The following TRIO variants were observed in gnomAD, a reference collection of about 807,000 sequenced individuals.
TRIO encodes the protein triple functional domain protein.
TRIO carries 58 observed loss-of-function variants against 351.9 expected under a neutral mutation model. The ratio of observed to expected loss-of-function variants is 0.16; its 90% confidence interval spans 0.13 to 0.21. The LOEUF is 0.21. Among genes scored for constraint, TRIO ranks in the 10% least tolerant of loss-of-function variants. The probability of loss-of-function intolerance (pLI) is 1.00; values close to 1 mark genes in which losing one functional copy is unlikely to be tolerated. For synonymous variants in TRIO, 1,758 were observed against 1,595.7 expected (o/e 1.10, Z -2.42); for missense variants, 3,201 against 4,027.8 (o/e 0.79, Z 5.56).
intron 11 of TRIO, among the ~76,000 whole-genome samples, chr5:14,346,195 A>C (rs1448932702): frequency 1.3e-5 from 2 of 152,176 alleles, no homozygotes; most frequent in Non-Finnish European, 2.9e-5. Flanking sequence ...AAAAATCAGA[A>C]CCAGAAGATC....
At chr5:14,189,329 A>G (rs1398865540) in intron 1 of TRIO, among the ~76,000 whole-genome samples, 1 of 152,220 alleles carries the variant, frequency 6.6e-6, no homozygotes, top group South Asian at 2.1e-4. Flanking sequence ...AATACCTTGA[A>G]TGCTATATTT....
chr5:14,154,639 T>A (rs1389659657), intron 1 of TRIO, among the ~76,000 whole-genome samples: 2 of 152,190 alleles, frequency 1.3e-5, no homozygotes, highest in Non-Finnish European at 2.9e-5. Flanking sequence ...GGATGCTTGC[T>A]CAGGTTTATG....
rs759130065 is a variant in TRIO, at chr5:14,509,375, GT to G, written c.*957del. The G allele has an allele frequency of 2.7e-6, 1 of 364,440 alleles. No individual in the cohort carries two copies. 22.6% of individuals were successfully genotyped at this position (364,440 alleles called of 1,614,324 possible). A position where few individuals can be genotyped will look rare whatever the true frequency, so the allele number is the denominator to read the frequency against. The stretch of plus-strand genomic sequence containing the variant: ...CATACTTCGTATGGTGAGCTTTATG[GT>G]TTTGTGTGTGTGTTGGGGTTGGCGG... On this transcript the variant is annotated 3_prime_UTR_variant, in exon 57 of 57. Transcript: ENST00000344204.
chr5:14,250,977 AACAC>A (rs1221696505), intron 1 of TRIO, among the ~76,000 whole-genome samples: 1 of 152,186 alleles, frequency 6.6e-6, no homozygotes, highest in African/African-American at 2.4e-5. Context: ...CAGAAAAGGG[AACAC>A]ACAGAAGACA....
chr5:14,373,475 G>A (rs1335909432), intron 18 of TRIO, among the ~76,000 whole-genome samples: 1 of 152,140 alleles, frequency 6.6e-6, no homozygotes, highest in Non-Finnish European at 1.5e-5. Context: ...CCCAAGACAG[G>A]AAATGCACAA....
Position 14,204,260 on chromosome 5 carries a change from C to T in TRIO, c.157+60378C>T, listed in dbSNP as rs371109114. Among the ~76,000 whole-genome samples, 11 of 152,196 alleles carry T rather than the reference C, an allele frequency of 7.2e-5. 1 individual carries two copies. Among genetic ancestry groups the T allele is most frequent in the East Asian group, 5.8e-4 (3 of 5,176 alleles). ...TGAAAGCACCAGCCTGTCTTTTTAC[C>T]GCAGAGGTAATTTGAGAGAGGAGTG... On this transcript the variant is annotated intron_variant, in intron 1 of 56. Transcript: ENST00000344204.
At chr5:14,418,543 AGAC>A (rs1475152333) in intron 33 of TRIO, among the ~76,000 whole-genome samples, 4 of 152,186 alleles carry the variant, frequency 2.6e-5, no homozygotes, top group African/African-American at 9.7e-5. Flanking sequence ...GTTACCCAAA[AGAC>A]AACACCGGAA....
At chr5:14,482,225 C>T (rs765267035) in intron 45 of TRIO, among the ~76,000 whole-genome samples, 1 of 152,036 alleles carries the variant, frequency 6.6e-6, no homozygotes, top group East Asian at 1.9e-4. Context: ...ACACAGAGGC[C>T]GTTGGAGGGC....
rs371812912 is a variant in TRIO, at chr5:14,482,779, G to A, written c.6657+6G>A. On this transcript the variant is annotated splice_donor_region_variant and intron_variant, in intron 46 of 56. Transcript: ENST00000344204. ...TGTTTAAGAACAGTATCAAGGTAAC[G>A]TGTGTCTCTGTGTGATTTCTCTGTG... is the stretch of plus-strand genomic sequence containing the variant. 18 of 1,540,218 alleles carry A rather than the reference G, an allele frequency of 1.2e-5. No individual in the cohort carries two copies. The highest frequency in any genetic ancestry group is 8.3e-5 in the African/African-American group (6 of 72,538).
intron 1 of TRIO, among the ~76,000 whole-genome samples, chr5:14,250,891 T>G (rs571294082): frequency 1.2e-4 from 18 of 152,282 alleles, no homozygotes; most frequent in African/African-American, 3.6e-4. Flanking sequence ...CCAGCAGCCT[T>G]TTGAAATACA....
Position 14,229,649 on chromosome 5 carries a change from T to C in TRIO, c.158-41176T>C, listed in dbSNP as rs185919340. Among the ~76,000 whole-genome samples the C allele has an allele frequency of 8.4e-4, 128 of 152,330 alleles. 1 individual carries two copies. The Middle Eastern group carries it at 0.01, about 12-fold the overall frequency. ...GCTGGGTCCAGGTGGTTCTTCTCTT[T>C]GGTGATAGCAGTGTTGACTCTGTTG... On this transcript the variant is annotated intron_variant, in intron 1 of 56. Coordinates refer to ENST00000344204, the MANE Select transcript of TRIO (RefSeq NM_007118.4).
intron 1 of TRIO, among the ~76,000 whole-genome samples, chr5:14,265,019 A>C (rs897704650): frequency 1.3e-5 from 2 of 151,752 alleles, no homozygotes; most frequent in Admixed American, 6.6e-5. Flanking sequence ...GTTTAAAAAT[A>C]CTGGCTGATT....
chr5:14,479,292 G>A lies in TRIO; in HGVS notation c.6185G>A (p.Cys2062Tyr). 1 of 1,613,782 alleles carries A rather than the reference G, an allele frequency of 6.2e-7. No homozygotes were observed. Among genetic ancestry groups the A allele is most frequent in the Non-Finnish European group, 8.5e-7 (1 of 1,179,896 alleles). The part of the protein sequence containing the change: ...ERRLHMYIAY[C>Y]QNKPKSEHIV... ...AGGTTGCACATGTACATAGCTTATT[G>A]TCAAAATAAACCAAAGTCTGAGCAC... The change falls in exon 42 of 57, where the codon TGT (cysteine) becomes TAT (tyrosine). Residue 2062 changes from cysteine to tyrosine, a missense_variant. Physicochemically the swap from Cys to Tyr is radical, Grantham distance 194. Coordinates refer to ENST00000344204, the MANE Select transcript of TRIO (RefSeq NM_007118.4).
chr5:14,401,950 CTG>C (rs1309765599), intron 31 of TRIO, among the ~76,000 whole-genome samples: 1 of 152,118 alleles, frequency 6.6e-6, no homozygotes, highest in African/African-American at 2.4e-5. Context: ...TTTTCAGTGA[CTG>C]TGAGTTACTC....
chr5:14,245,042 A>G (rs1476507760), intron 1 of TRIO, among the ~76,000 whole-genome samples: 4 of 152,230 alleles, frequency 2.6e-5, no homozygotes, highest in East Asian at 1.9e-4. Flanking sequence ...AAACAGTAAA[A>G]TATTACTGAC....
intron 34 of TRIO, among the ~76,000 whole-genome samples, chr5:14,458,389 G>C (rs1300883992): frequency 2.0e-5 from 3 of 152,138 alleles, no homozygotes; most frequent in African/African-American, 7.2e-5. Context: ...TCCTGACCCA[G>C]TGCCTAGGTT....
intron 8 of TRIO, among the ~76,000 whole-genome samples, chr5:14,307,375 C>A (rs1431266860): frequency 2.0e-5 from 3 of 152,226 alleles, no homozygotes; most frequent in African/African-American, 7.2e-5. Flanking sequence ...CCATGTCTTA[C>A]CAATCAGTCT....
chr5:14,422,372 T>A (rs1372148285), intron 34 of TRIO, among the ~76,000 whole-genome samples: 1 of 152,244 alleles, frequency 6.6e-6, no homozygotes, highest in Non-Finnish European at 1.5e-5. Flanking sequence ...TTCATTCAGT[T>A]CTAGTGTCTC....
At chr5:14,188,673 A>G (rs575702185) in intron 1 of TRIO, among the ~76,000 whole-genome samples, 1 of 152,236 alleles carries the variant, frequency 6.6e-6, no homozygotes, top group Non-Finnish European at 1.5e-5. Context: ...GTAAAAGACC[A>G]GGAGAAAGAT....
Sources: allele counts gnomAD v4.1 joint callset (sites outside exome capture counted in the v4.1 genomes callset), GRCh38; gene constraint gnomAD v4.1.1; transcripts MANE v1.5; gene names NCBI Gene and HGNC (gene_info 2026-07-23, HGNC 2026-07-21).